The following DHX37 variants were observed in gnomAD, a reference collection of about 807,000 sequenced individuals.
DHX37 encodes DEAH-box helicase 37.
Under a neutral mutation model 134.3 loss-of-function variants are expected in DHX37, and 52 were observed. That is an observed-to-expected ratio of 0.39 (90% CI 0.31 to 0.49). The LOEUF (loss-of-function observed/expected upper bound fraction) is 0.49, where lower values mean the gene tolerates loss of function less well. DHX37 is among the 20% of genes least tolerant of loss of function. The pLI is 0.93. For missense variants in DHX37, 1,344 were observed against 1,580.8 expected (o/e 0.85, Z 2.54); for synonymous variants, 634 against 670.7 (o/e 0.95, Z 0.85).
At chr12:124,954,726 T>C (rs56314656) in intron 18 of DHX37, among the ~76,000 whole-genome samples, 40,321 of 152,010 alleles carry the variant, frequency 0.27, 7,118 homozygotes, top group African/African-American at 0.51. Context: ...AATAAAAAAC[T>C]CTGCAAACTG....
chr12:124,952,915 A>T (rs1430367539), intron 20 of DHX37: 1 of 170,624 alleles, frequency 5.9e-6, no homozygotes, highest in Non-Finnish European at 1.2e-5. Flanking sequence ...GGGAACGTTC[A>T]ATACGGGAAC....
Position 124,967,981 on chromosome 12 carries a change from T to A in DHX37, c.1408+553A>T, listed in dbSNP as rs944495983. Among the ~76,000 whole-genome samples the A allele has an allele frequency of 4.6e-5, 7 of 152,136 alleles. No homozygotes were observed. In the East Asian group the frequency reaches 9.6e-4, roughly 21 times the overall value. ...CTGTAATCCCAGCTACTTGGGAGGC[T>A]GAGGCAGGAGAATCACTTGAACCCG... On this transcript the variant is annotated intron_variant, in intron 10 of 26. Transcript: ENST00000308736.
At chr12:124,966,911 C>T (rs757455071) in intron 11 of DHX37, 33 bp from the exon 12 acceptor site, 1 of 1,613,802 alleles carries the variant, frequency 6.2e-7, no homozygotes, top group South Asian at 1.1e-5. Context: ...AGAAAGGCGT[C>T]TGTGGCCGGC....
At position 124,972,692 on chromosome 12, in the gene DHX37, C is replaced by A; in HGVS notation, c.981-93G>T. On this transcript the variant is annotated intron_variant, in intron 6 of 26. Coordinates refer to ENST00000308736, the MANE Select transcript of DHX37 (RefSeq NM_032656.4). Reference sequence around the variant, plus strand: ...CAAGGCAGGCCGTGGAGCAGGCAGGCGGCTTGAGGGCAGGGCCCGCTGGCA... The same window carrying A: ...CAAGGCAGGCCGTGGAGCAGGCAGGAGGCTTGAGGGCAGGGCCCGCTGGCA... The A allele has an allele frequency of 3.1e-6, 4 of 1,296,480 alleles. No individual in the cohort carries two copies. The South Asian group carries it at 3.6e-5, about 12-fold the overall frequency. The allele number at this position is 1,296,480 out of a possible 1,614,324, so 80.3% of individuals were successfully genotyped here.
chr12:124,985,580 CAAA>C (rs11327017), intron 2 of DHX37, among the ~76,000 whole-genome samples: 16 of 115,910 alleles, frequency 1.4e-4, no homozygotes, highest in Admixed American at 2.8e-4. Context: ...ACTAAAAATA[CAAA>C]AAAAAAAAAA....
rs577534678 is a variant in DHX37, at chr12:124,947,064, G to A, written c.*738C>T. On this transcript the variant is annotated 3_prime_UTR_variant, in exon 27 of 27. Coordinates refer to ENST00000308736, the MANE Select transcript of DHX37 (RefSeq NM_032656.4). Reference sequence around the variant, plus strand: ...CCCACCTCAGCCACAGAGGAACAAGGGAGACAAACTGAGGGCTCTGCAGTC... The same window carrying A: ...CCCACCTCAGCCACAGAGGAACAAGAGAGACAAACTGAGGGCTCTGCAGTC... 6 of 152,358 alleles carry A rather than the reference G, an allele frequency of 3.9e-5. No individual in the cohort carries two copies. In the East Asian group the frequency reaches 1.2e-3, roughly 29 times the overall value. The allele number at this position is 152,358 out of a possible 1,614,324, so 9.4% of individuals were successfully genotyped here.
At chr12:124,948,278 G>A in intron 25 of DHX37, 97 bp from the exon 26 acceptor site, 3 of 1,494,130 alleles carry the variant, frequency 2.0e-6, no homozygotes, top group Non-Finnish European at 1.8e-6. Flanking sequence ...CACCCCACCA[G>A]CCCCACCCAG....
At chr12:124,971,258 G>A (rs200993459) in intron 8 of DHX37, 44 bp downstream of exon 8, 3 of 1,591,284 alleles carry the variant, frequency 1.9e-6, no homozygotes, top group South Asian at 1.1e-5. Context: ...GAGCTGGGGG[G>A]GGCCTAGGGC....
chr12:124,982,430 C>T (rs2135969446), intron 3 of DHX37, 81 bp downstream of exon 3: 1 of 1,535,690 alleles, frequency 6.5e-7, no homozygotes, highest in Non-Finnish European at 8.8e-7. Context: ...TGTTCCACCC[C>T]CAGAGGACCC....
At position 124,965,343 on chromosome 12, in the gene DHX37, C is replaced by T. The variant is rs558256635; in HGVS notation, c.1735+325G>A. On this transcript the variant is annotated intron_variant, in intron 13 of 26. Transcript: ENST00000308736. Reference sequence around the variant, plus strand: ...GTCAGGCTGAGCCCGTACTGGGGTACTCTCTGCTGCCCCACTCAGCCCCTG... The same window carrying T: ...GTCAGGCTGAGCCCGTACTGGGGTATTCTCTGCTGCCCCACTCAGCCCCTG... Among the ~76,000 whole-genome samples, 13 of 152,350 alleles carry T rather than the reference C, an allele frequency of 8.5e-5. No individual in the cohort carries two copies. In the South Asian group the frequency reaches 2.3e-3, roughly 27 times the overall value.
chr12:124,975,423 G>A lies in DHX37; in HGVS notation c.976C>T (p.Gln326Ter). The A allele has an allele frequency of 6.2e-7, 1 of 1,612,954 alleles. No homozygotes were observed. Among genetic ancestry groups the A allele is most frequent in the Non-Finnish European group, 8.5e-7 (1 of 1,179,994 alleles). Reference protein sequence around the residue: ...QRVAKEMNLSQRVVSYQIRYE... With the variant: ...QRVAKEMNLS ...CCAGGGAAGTAGAGCCCTCACCGCTGGGACAGATTCATCTCCTTGGCCACT... is the reference window on the plus strand; with the variant it reads ...CCAGGGAAGTAGAGCCCTCACCGCTAGGACAGATTCATCTCCTTGGCCACT... Residue 326 changes from glutamine (Q) to a stop codon, truncating the protein, a stop_gained, in exon 6 of 27, where the codon CAG becomes TAG. Transcript: ENST00000308736. LOFTEE classifies it high-confidence loss of function.
At chr12:124,953,629 A>G (rs1954019256) in intron 20 of DHX37, 5 of 555,724 alleles carry the variant, frequency 9.0e-6, no homozygotes, top group African/African-American at 1.9e-5. Flanking sequence ...TCGCCAGGGA[A>G]AAGGTGAAAC....
In DHX37 at chr12:124,986,570, G is replaced by A. The variant is rs921059703; in HGVS notation, c.107-305C>T. Among the ~76,000 whole-genome samples the A allele has an allele frequency of 2.3e-4, 35 of 151,874 alleles. 1 individual carries two copies. Among genetic ancestry groups the A allele is most frequent in the African/African-American group, 7.7e-4 (32 of 41,384 alleles). On this transcript the variant is annotated intron_variant, in intron 1 of 26. Transcript: ENST00000308736. ...TACTAAAAATACAAAAATTAGCCAG[G>A]TGTGGTGGTGGGTGCCTGCAATCCC...
At chr12:124,972,667 C>T (rs1050383187) in intron 6 of DHX37, 68 bp from the exon 7 acceptor site, 36 of 1,518,258 alleles carry the variant, frequency 2.4e-5, no homozygotes, top group South Asian at 1.6e-4. Flanking sequence ...GGGGCCACTA[C>T]AAGGCAGGCC....
At chr12:124,965,959 T>G in intron 12 of DHX37, 147 bp from the exon 13 acceptor site, 10 of 995,658 alleles carry the variant, frequency 1.0e-5, no homozygotes, top group Non-Finnish European at 1.3e-5. Flanking sequence ...TAATTCTCTC[T>G]TCCTGCCAGA....
intron 16 of DHX37, among the ~76,000 whole-genome samples, chr12:124,957,600 A>C (rs546242428): frequency 6.6e-6 from 1 of 152,088 alleles, no homozygotes; most frequent in Non-Finnish European, 1.5e-5. Flanking sequence ...AGCCTGACCA[A>C]TATGGTGAAA....
At chr12:124,972,139 G>A (rs1323393348) in intron 7 of DHX37, among the ~76,000 whole-genome samples, 1 of 152,212 alleles carries the variant, frequency 6.6e-6, no homozygotes, top group Admixed American at 6.5e-5. Context: ...CCGCCGCAGG[G>A]CAGAGCCTGC....
intron 2 of DHX37, among the ~76,000 whole-genome samples, chr12:124,985,530 A>G (rs1246006305): frequency 2.0e-5 from 3 of 150,706 alleles, no homozygotes; most frequent in Non-Finnish European, 4.4e-5. Flanking sequence ...AGGTCAGGAT[A>G]TCAAGATCAT....
At chr12:124,948,257 G>A in intron 25 of DHX37, 76 bp from the exon 26 acceptor site, 1 of 1,535,756 alleles carries the variant, frequency 6.5e-7, no homozygotes, top group South Asian at 1.2e-5. Context: ...CGAAAGCAGG[G>A]CAGGCATCAC....
Sources: allele counts gnomAD v4.1 joint callset (sites outside exome capture counted in the v4.1 genomes callset), GRCh38; gene constraint gnomAD v4.1.1; transcripts MANE v1.5; gene names NCBI Gene and HGNC (gene_info 2026-07-23, HGNC 2026-07-21).